The following MDH2 variants were observed in gnomAD, a reference collection of about 807,000 sequenced individuals.
MDH2 encodes malate dehydrogenase, mitochondrial.
A neutral mutation model predicts 33.6 loss-of-function variants in MDH2; 25 were observed. The observed-to-expected ratio is 0.74, with a 90% CI of 0.54 to 1.04. The LOEUF is 1.04. Among genes scored for constraint, MDH2 ranks in the 50% least tolerant of loss-of-function variants. MDH2 has a pLI of 0.00. For missense variants in MDH2, 432 were observed against 445.0 expected, an observed-to-expected ratio of 0.97 and a Z score of 0.26; for synonymous variants, 193 against 188.7, an observed-to-expected ratio of 1.02 and a Z score of -0.19.
chr7:76,052,454 T>G (rs1246954862), intron 1 of MDH2, among the ~76,000 whole-genome samples: 1 of 137,048 alleles, frequency 7.3e-6, no homozygotes, highest in African/African-American at 2.9e-5. Flanking sequence ...AAAAAAAAGA[T>G]ACACTCATTG....
At chr7:76,066,062 G>C (rs1384469253) in intron 8 of MDH2, among the ~76,000 whole-genome samples, 1 of 152,074 alleles carries the variant, frequency 6.6e-6, no homozygotes, top group Non-Finnish European at 1.5e-5. Context: ...CAATCACAGT[G>C]CTGGGACCCC....
chr7:76,063,607 C>G lies in MDH2; in HGVS notation c.633+15C>G. ...TGATCTCTCAGGTACACGCATATGA[C>G]CCTGTGAGGGGCTTCGAGGTCAGGA... On this transcript the variant is annotated intron_variant, in intron 6 of 8. Coordinates refer to ENST00000315758, the MANE Select transcript of MDH2 (RefSeq NM_005918.4). 2 of 1,611,812 alleles carry G rather than the reference C, an allele frequency of 1.2e-6. No homozygotes were observed. Among genetic ancestry groups the G allele is most frequent in the Non-Finnish European group, 1.7e-6 (2 of 1,177,880 alleles).
At chr7:76,052,526 C>G (rs1490015746) in intron 1 of MDH2, among the ~76,000 whole-genome samples, 1 of 151,190 alleles carries the variant, frequency 6.6e-6, no homozygotes, top group Non-Finnish European at 1.5e-5. Context: ...GAACCACTGC[C>G]CTGGCTGAGT....
chr7:76,067,354 T>G lies in MDH2; in HGVS notation c.*944T>G, dbSNP rs1040151897. ...TGTGCCCAGTACTTGGATGTTCATC[T>G]GTCCACAACAGCTTTTTGTTTTTTT... On this transcript the variant is annotated 3_prime_UTR_variant, in exon 9 of 9. Coordinates refer to ENST00000315758, the MANE Select transcript of MDH2 (RefSeq NM_005918.4). The G allele has an allele frequency of 6.6e-6, 1 of 152,252 alleles. No homozygotes were observed. Among genetic ancestry groups the G allele is most frequent in the Non-Finnish European group, 1.5e-5 (1 of 68,052 alleles). The allele number at this position is 152,252 out of a possible 1,614,324, so 9.4% of individuals were successfully genotyped here. A position where few individuals can be genotyped will look rare whatever the true frequency, so the allele number is the denominator to read the frequency against.
At chr7:76,066,227 TAACAAGC>T (rs1554587849) in intron 8 of MDH2, 45 bp from the exon 9 acceptor site, 1 of 1,588,276 alleles carries the variant, frequency 6.3e-7, no homozygotes, top group Non-Finnish European at 8.6e-7. Context: ...GGGGTTTCTC[TAACAAGC>T]ACTTTCCTGG....
At chr7:76,064,588 C>T in intron 7 of MDH2, 150 bp downstream of exon 7, 1 of 917,620 alleles carries the variant, frequency 1.1e-6, no homozygotes, top group Non-Finnish European at 1.6e-6. Flanking sequence ...TGTGAGAGGG[C>T]AGCTCGGCCT....
chr7:76,049,753 T>C (rs905795629), intron 1 of MDH2, among the ~76,000 whole-genome samples: 9 of 152,212 alleles, frequency 5.9e-5, no homozygotes, highest in Non-Finnish European at 1.3e-4. Context: ...CCCCACTCAT[T>C]ATAAAGTATC....
In MDH2 at chr7:76,048,710, A is replaced by C. The variant is rs368555899; in HGVS notation, c.66+484A>C. 1,281 of 1,237,578 alleles carry C rather than the reference A, an allele frequency of 1.0e-3. 28 individuals are homozygous for C. In the South Asian group the frequency reaches 0.036, roughly 34 times the overall value. 76.7% of individuals were successfully genotyped at this position (1,237,578 alleles called of 1,614,324 possible). Reference sequence around the variant, plus strand: ...AGAGAACTGGGCCAGGGTTACAGTCATTTGGCCAGAGGATTAGAATTCAGC... The same window carrying C: ...AGAGAACTGGGCCAGGGTTACAGTCCTTTGGCCAGAGGATTAGAATTCAGC... On this transcript the variant is annotated intron_variant, in intron 1 of 8. Transcript: ENST00000315758.
At position 76,057,399 on chromosome 7, in the gene MDH2, G is replaced by T. The variant is rs1279610918; in HGVS notation, c.236-11G>T. 2 of 1,614,060 alleles carry T rather than the reference G, an allele frequency of 1.2e-6. No homozygotes were observed. The highest frequency in any genetic ancestry group is 1.7e-6 in the Non-Finnish European group (2 of 1,179,984). ...AACGGTGACATTTCTCTTGTGGGGT[G>T]TTTGTTCTAGGCTACCTCGGACCTG... On this transcript the variant is annotated splice_polypyrimidine_tract_variant and intron_variant, in intron 2 of 8. Coordinates refer to ENST00000315758, the MANE Select transcript of MDH2 (RefSeq NM_005918.4).
intron 1 of MDH2, among the ~76,000 whole-genome samples, chr7:76,053,742 GCTGC>G (rs371274773): frequency 5.3e-5 from 8 of 152,192 alleles, no homozygotes; most frequent in Admixed American, 6.5e-5. Flanking sequence ...CTCACTGGTA[GCTGC>G]CTGCCTGCCT....
chr7:76,060,280 T>C (rs1346977656), intron 4 of MDH2, 93 bp from the exon 5 acceptor site: 1 of 1,513,910 alleles, frequency 6.6e-7, no homozygotes, highest in Non-Finnish European at 8.9e-7. Context: ...GTTAGACCTT[T>C]GGGAAGGTCT....
intron 2 of MDH2, among the ~76,000 whole-genome samples, chr7:76,056,202 T>C (rs1342928551): frequency 1.3e-5 from 2 of 152,210 alleles, no homozygotes; most frequent in Admixed American, 1.3e-4. Context: ...CATTGGCTGT[T>C]TCCTGTTTGC....
At chr7:76,056,341 C>T (rs1009986221) in intron 2 of MDH2, among the ~76,000 whole-genome samples, 1 of 152,122 alleles carries the variant, frequency 6.6e-6, no homozygotes, top group Admixed American at 6.5e-5. Context: ...CTATAAAGTT[C>T]CAAATTGCTG....
chr7:76,063,413 A>C, intron 5 of MDH2, 102 bp from the exon 6 acceptor site: 3 of 1,129,750 alleles, frequency 2.7e-6, no homozygotes, highest in Non-Finnish European at 4.0e-6. Context: ...TTCCACCCTG[A>C]GTTCTGGGGG....
rs546137782 is a variant in MDH2 at position 76,057,647 on chromosome 7, G to C, written c.319+154G>C. On this transcript the variant is annotated intron_variant, in intron 3 of 8. Coordinates refer to ENST00000315758, the MANE Select transcript of MDH2 (RefSeq NM_005918.4). ...TGTGGGGTAAAGGTCACATCTCTTT[G>C]TTGGCCTGGGATCAAAGTCGTCTTG... Among the ~76,000 whole-genome samples, 14 of 152,274 alleles carry C rather than the reference G, an allele frequency of 9.2e-5. 1 individual carries two copies. The South Asian group carries it at 2.3e-3, about 25-fold the overall frequency.
intron 5 of MDH2, 89 bp downstream of exon 5, chr7:76,060,587 A>C: frequency 6.5e-7 from 1 of 1,549,778 alleles, no homozygotes; most frequent in South Asian, 1.2e-5. Flanking sequence ...ACATGAAGGC[A>C]TGCCCAGGTC....
Position 76,048,444 on chromosome 7 carries a change from G to C in MDH2, c.66+218G>C, listed in dbSNP as rs923122969. Reference sequence around the variant, plus strand: ...AAGGGGGCGAGGTAGTCCCGCTCCAGGGCCGGTCCATTTGTCAGGGTTCCC... The same window carrying C: ...AAGGGGGCGAGGTAGTCCCGCTCCACGGCCGGTCCATTTGTCAGGGTTCCC... On this transcript the variant is annotated intron_variant, in intron 1 of 8. Transcript: ENST00000315758. 1.7e-5 allele frequency: 19 copies of C among 1,126,708 alleles called. No individual in the cohort carries two copies. The Admixed American group carries it at 6.5e-4, about 39-fold the overall frequency. 69.8% of individuals were successfully genotyped at this position (1,126,708 alleles called of 1,614,324 possible).
In MDH2 at chr7:76,058,005, C is replaced by T. The variant is rs782313207; in HGVS notation, c.356C>T (p.Thr119Met). 8.7e-6 allele frequency: 14 copies of T among 1,614,120 alleles called. No individual in the cohort carries two copies. The highest frequency in any genetic ancestry group is 1.1e-5 in the South Asian group (1 of 91,090). Residue 119 changes from threonine to methionine, a missense_variant, in exon 4 of 9, where the codon ACG (threonine) becomes ATG (methionine). By Grantham distance (81) the Thr-to-Met change is moderately conservative (BLOSUM62 -1). Coordinates refer to ENST00000315758, the MANE Select transcript of MDH2 (RefSeq NM_005918.4). ...TRDDLFNTNA[T>M]IVATLTAACA... The stretch of plus-strand genomic sequence containing the variant: ...GACGACCTGTTCAACACCAATGCCA[C>T]GATTGTGGCCACCCTGACCGCTGCC...
rs1554585966 is a variant in MDH2 at position 76,054,885 on chromosome 7, C to G, written c.122C>G (p.Ser41Ter). 2 of 1,614,178 alleles carry G rather than the reference C, an allele frequency of 1.2e-6. No homozygotes were observed. The highest frequency in any genetic ancestry group is 1.7e-6 in the Non-Finnish European group (2 of 1,180,032). Residue 41 changes from serine (S) to a stop codon, truncating the protein, a stop_gained, in exon 2 of 9, where the codon TCA becomes TGA. Coordinates refer to ENST00000315758, the MANE Select transcript of MDH2 (RefSeq NM_005918.4). LOFTEE classifies it high-confidence loss of function. ...GASGGIGQPL[S>*]LLLKNSPLVS... ...TCTGGAGGCATCGGGCAGCCACTTTCACTTCTCCTGAAGAACAGCCCCTTG... is the reference window on the plus strand; with the variant it reads ...TCTGGAGGCATCGGGCAGCCACTTTGACTTCTCCTGAAGAACAGCCCCTTG...
Sources: gnomAD v4.1 joint callset for allele counts (sites outside exome capture counted in the v4.1 genomes callset) on GRCh38, gnomAD v4.1.1 for gene constraint, MANE v1.5 for transcripts, NCBI Gene and HGNC (gene_info 2026-07-23, HGNC 2026-07-21) for gene names.